MYRF: variants seen among roughly 807,000 people sequenced by gnomAD.
MYRF encodes myelin gene regulatory factor.
A neutral mutation model predicts 126.3 loss-of-function variants in MYRF; 16 were observed. That is an observed-to-expected ratio of 0.13 (90% confidence interval 0.09 to 0.19). MYRF has a LOEUF of 0.19. MYRF is among the 10% of genes least tolerant of loss of function. The pLI, the probability that MYRF is intolerant of heterozygous loss-of-function variation, is 1.00. For missense variants in MYRF, 1,104 were observed against 1,547.0 expected, an observed-to-expected ratio of 0.71 and a Z score of 4.80; for synonymous variants, 608 against 635.3, an observed-to-expected ratio of 0.96 and a Z score of 0.65.
intron 3 of MYRF, chr11:61,766,927 C>A: frequency 2.3e-6 from 1 of 443,634 alleles, no homozygotes; most frequent in Non-Finnish European, 4.6e-6. Context: ...ACACTAGGTG[C>A]ATGAACTCTG....
intron 1 of MYRF, chr11:61,755,588 G>A (rs2065728879): frequency 2.0e-6 from 2 of 1,016,492 alleles, no homozygotes; most frequent in Admixed American, 2.0e-5. Context: ...GTGCCTGGCA[G>A]GGAACCCCCA....
intron 22 of MYRF, 157 bp downstream of exon 22, chr11:61,781,981 C>A: frequency 1.1e-6 from 1 of 872,498 alleles, no homozygotes; most frequent in Non-Finnish European, 1.7e-6. Context: ...GGCCTGCAGC[C>A]TTACATAGAT....
Position 61,770,478 on chromosome 11 carries a change from C to A in MYRF, c.693C>A (p.Thr231=). 6.4e-7 allele frequency: 1 copy of A among 1,564,126 alleles called. No individual in the cohort carries two copies. Among genetic ancestry groups the A allele is most frequent in the African/African-American group, 1.4e-5 (1 of 73,842 alleles). The change falls in exon 5 of 27, where the codon ACC becomes ACA. Residue 231 remains threonine (T), a synonymous_variant. Coordinates refer to ENST00000278836, the MANE Select transcript of MYRF (RefSeq NM_001127392.3). ...QGLVPTDLHH[T]QQSQMLHQLL... ...TGGTGCCCACTGATCTTCACCACACCCAGCAGTCCCAGATGCTGCACCAGC... is the reference window on the plus strand; with the variant it reads ...TGGTGCCCACTGATCTTCACCACACACAGCAGTCCCAGATGCTGCACCAGC...
chr11:61,785,527 G>T, intron 25 of MYRF: 1 of 527,882 alleles, frequency 1.9e-6, no homozygotes, highest in Non-Finnish European at 3.4e-6. Context: ...AGCATAGTGG[G>T]TGAGGGAACC....
At position 61,778,027 on chromosome 11, in the gene MYRF, C is replaced by T. The variant is rs1366981660; in HGVS notation, c.1903+182C>T. Among the ~76,000 whole-genome samples, 1 of 152,202 alleles carries T rather than the reference C, an allele frequency of 6.6e-6. No individual in the cohort carries two copies. Among genetic ancestry groups the T allele is most frequent in the East Asian group, 1.9e-4 (1 of 5,194 alleles). ...GGAAAATCGCACCTCTCCAGGTCCC[C>T]GGAACCTCGCCCCATTGTCAGTGGA... On this transcript the variant is annotated intron_variant, in intron 13 of 26. Coordinates refer to ENST00000278836, the MANE Select transcript of MYRF (RefSeq NM_001127392.3). This position sits in a 1 kb window ranked among gnomAD's most constrained non-coding sequence, Gnocchi z 4.6.
At chr11:61,755,524 C>A (rs2065727081) in intron 1 of MYRF, 2 of 1,523,588 alleles carry the variant, frequency 1.3e-6, no homozygotes, top group Non-Finnish European at 1.8e-6. Context: ...AGAATCCTGC[C>A]AGGACCTCAG....
chr11:61,784,546 G>A (rs1591134869), intron 25 of MYRF, 161 bp downstream of exon 25: 1 of 616,530 alleles, frequency 1.6e-6, no homozygotes, highest in East Asian at 2.8e-5. Flanking sequence ...TCCCAGGGAG[G>A]GGCACGCGTG....
In MYRF at chr11:61,781,602, A is replaced by G. The variant is rs896559418; in HGVS notation, c.2794A>G (p.Thr932Ala). 18 of 1,613,730 alleles carry G rather than the reference A, an allele frequency of 1.1e-5. No homozygotes were observed. Among genetic ancestry groups the G allele is most frequent in the Non-Finnish European group, 1.4e-5 (17 of 1,179,998 alleles). Residue 932 changes from threonine (T) to alanine (A), a missense_variant, in exon 22 of 27, where the codon ACC (threonine) becomes GCC (alanine). Coordinates refer to ENST00000278836, the MANE Select transcript of MYRF (RefSeq NM_001127392.3). ...GPSQMALLPV[T>A]NIRAKSWGLS... ...CAGCCAGATGGCCCTTCTGCCAGTC[A>G]CCAACATCAGAGCCAAGTCCTGGGG...
In MYRF at chr11:61,778,042, T is replaced by C. The variant is rs773767130; in HGVS notation, c.1903+197T>C. 3.9e-5 allele frequency among the ~76,000 whole-genome samples: 6 copies of C among 152,268 alleles called. No homozygotes were observed. Among genetic ancestry groups the C allele is most frequent in the Non-Finnish European group, 5.9e-5 (4 of 67,994 alleles). On this transcript the variant is annotated intron_variant, in intron 13 of 26. Coordinates refer to ENST00000278836, the MANE Select transcript of MYRF (RefSeq NM_001127392.3). The surrounding 1 kb of genome is among the most constrained non-coding windows in gnomAD (Gnocchi z 4.6). ...TCCAGGTCCCCGGAACCTCGCCCCA[T>C]TGTCAGTGGAAATCTGAGAATCACG...
At chr11:61,760,360 A>G (rs1201045553) in intron 1 of MYRF, among the ~76,000 whole-genome samples, 2 of 152,200 alleles carry the variant, frequency 1.3e-5, no homozygotes, top group Non-Finnish European at 2.9e-5. Flanking sequence ...GATGAGCCAC[A>G]GCACTGGGGG....
chr11:61,764,066 C>T (rs369688941), intron 1 of MYRF, among the ~76,000 whole-genome samples: 15 of 152,206 alleles, frequency 9.9e-5, no homozygotes, highest in East Asian at 1.9e-4. Context: ...CCGGCCACAC[C>T]GCCCTGGACG....
In MYRF at chr11:61,783,101, G is replaced by A. The variant is rs2066597097; in HGVS notation, c.3017-397G>A. ...GTGTAATCATCGGCCTCGGGGCAGA[G>A]GGGAGCCTGATTTGTGTGATGCTGT... On this transcript the variant is annotated intron_variant, in intron 22 of 26. Coordinates refer to ENST00000278836, the MANE Select transcript of MYRF (RefSeq NM_001127392.3). This position sits in a 1 kb window ranked among gnomAD's most constrained non-coding sequence, Gnocchi z 4.6. 5.9e-6 allele frequency: 1 copy of A among 170,282 alleles called. No homozygotes were observed. Among genetic ancestry groups the A allele is most frequent in the African/African-American group, 2.4e-5 (1 of 42,182 alleles). The allele number at this position is 170,282 out of a possible 1,614,324, so 10.5% of individuals were successfully genotyped here.
chr11:61,752,695 G>A lies in MYRF; in HGVS notation c.-50G>A. On this transcript the variant is annotated 5_prime_UTR_variant, in exon 1 of 27. Coordinates refer to ENST00000278836, the MANE Select transcript of MYRF (RefSeq NM_001127392.3). ...CGCGCCGGCGATGCCGCGCCCCCGG[G>A]CCGGGCTGTAGCGGGGCCGCGGCTG... 1.6e-6 allele frequency: 2 copies of A among 1,282,514 alleles called. No individual in the cohort carries two copies. The highest frequency in any genetic ancestry group is 2.0e-6 in the Non-Finnish European group (2 of 1,015,606). The allele number at this position is 1,282,514 out of a possible 1,614,324, so 79.4% of individuals were successfully genotyped here. A position where few individuals can be genotyped will look rare whatever the true frequency, so the allele number is the denominator to read the frequency against.
Position 61,781,761 on chromosome 11 carries a change from C to T in MYRF, c.2953C>T (p.Arg985Cys), listed in dbSNP as rs983633491. 6.2e-6 allele frequency: 10 copies of T among 1,610,976 alleles called. No individual in the cohort carries two copies. Among genetic ancestry groups the T allele is most frequent in the African/African-American group, 1.3e-5 (1 of 74,846 alleles). The change falls in exon 22 of 27, where the codon CGC becomes TGC. Residue 985 changes from arginine (R) to cysteine (C), a missense_variant. By Grantham distance (180) the Arg-to-Cys change is radical. Coordinates refer to ENST00000278836, the MANE Select transcript of MYRF (RefSeq NM_001127392.3). ...CAGCCTTGGTTTCCATGGCCGGGCC[C>T]GCCGAGGGGCCCTCCAGTCCAGCGT... ...SPSLGFHGRA[R>C]RGALQSSVGP...
At chr11:61,761,637 C>A (rs1490804636) in intron 1 of MYRF, among the ~76,000 whole-genome samples, 1 of 152,246 alleles carries the variant, frequency 6.6e-6, no homozygotes. Flanking sequence ...CCCTCACTGG[C>A]CACTTGGCTC....
intron 1 of MYRF, among the ~76,000 whole-genome samples, chr11:61,761,267 G>C (rs1225217629): frequency 6.6e-6 from 1 of 151,778 alleles, no homozygotes; most frequent in Admixed American, 6.6e-5. Context: ...GGTGGGGGGG[G>C]GGGCACATAA....
chr11:61,767,813 CAAAAAAAAAA>C (rs35214869), intron 3 of MYRF, among the ~76,000 whole-genome samples: 2 of 64,916 alleles, frequency 3.1e-5, no homozygotes, highest in Non-Finnish European at 5.6e-5. Context: ...GACCCTGTCT[CAAAAAAAAAA>C]AAAAAAAAAA....
In MYRF at chr11:61,770,491, A is replaced by T; in HGVS notation, c.706A>T (p.Met236Leu). 1 of 1,565,128 alleles carries T rather than the reference A, an allele frequency of 6.4e-7. No individual in the cohort carries two copies. Among genetic ancestry groups the T allele is most frequent in the Non-Finnish European group, 8.7e-7 (1 of 1,154,702 alleles). The change falls in exon 5 of 27, where the codon ATG becomes TTG. Residue 236 changes from methionine to leucine, a missense_variant. Transcript: ENST00000278836. ...TCTTCACCACACCCAGCAGTCCCAG[A>T]TGCTGCACCAGCTCCTGCAGCAGCA... ...TDLHHTQQSQ[M>L]LHQLLQQHGA...
Position 61,785,781 on chromosome 11 carries a change from C to G in MYRF, c.3301-19C>G, listed in dbSNP as rs2066678512. On this transcript the variant is annotated intron_variant, in intron 25 of 26. Transcript: ENST00000278836. The stretch of plus-strand genomic sequence containing the variant: ...TAAGGGCAGCAGTCTGTCCTGACCC[C>G]TCTCTCCCTTCTCTCCAGGGCACCT... The G allele has an allele frequency of 6.2e-7, 1 of 1,611,280 alleles. No homozygotes were observed. Among genetic ancestry groups the G allele is most frequent in the African/African-American group, 1.3e-5 (1 of 74,870 alleles).
Sources: gnomAD v4.1 joint callset for allele counts (sites outside exome capture counted in the v4.1 genomes callset) on GRCh38, gnomAD v4.1.1 for gene constraint, Gnocchi (gnomAD v3.1) non-coding constraint, MANE v1.5 for transcripts, NCBI Gene and HGNC (gene_info 2026-07-23, HGNC 2026-07-21) for gene names.